Variants in ERC2 observed in about 807,000 individuals in gnomAD.
ERC2 encodes ELKS/RAB6-interacting/CAST family member 2.
Under a neutral mutation model 114.8 loss-of-function variants are expected in ERC2, and 42 were observed. The ratio of observed to expected loss-of-function variants is 0.37; its 90% CI spans 0.29 to 0.47. The LOEUF (loss-of-function observed/expected upper bound fraction) is 0.47, where lower values mean the gene tolerates loss of function less well. Among genes scored for constraint, ERC2 ranks in the 20% least tolerant of loss-of-function variants. The probability of loss-of-function intolerance (pLI) is 0.99; values close to 1 mark genes in which losing one functional copy is unlikely to be tolerated. For missense variants in ERC2, 939 were observed against 1,150.7 expected, an observed-to-expected ratio of 0.82 and a Z score of 2.66; for synonymous variants, 454 against 425.5, an observed-to-expected ratio of 1.07 and a Z score of -0.82.
intron 7 of ERC2, among the ~76,000 whole-genome samples, chr3:56,056,091 A>G (rs1193528927): frequency 1.3e-5 from 2 of 152,222 alleles, no homozygotes; most frequent in Admixed American, 1.3e-4. Context: ...TCTGGTATGT[A>G]ATAATGTTTA....
chr3:56,218,272 A>T (rs1223986511), intron 3 of ERC2, among the ~76,000 whole-genome samples: 72 of 149,978 alleles, frequency 4.8e-4, no homozygotes, highest in Non-Finnish European at 9.2e-4. Flanking sequence ...GAATCTACAA[A>T]GAACTCAAAC....
chr3:56,296,181 T>C lies in ERC2; in HGVS notation c.912A>G (p.Ser304=), dbSNP rs767348903. The C allele has an allele frequency of 6.2e-7, 1 of 1,614,038 alleles. No homozygotes were observed. Among genetic ancestry groups the C allele is most frequent in the South Asian group, 1.1e-5 (1 of 91,086 alleles). The change falls in exon 3 of 18, where the codon TCA becomes TCG. Residue 304 remains serine (S), a synonymous_variant. Coordinates refer to ENST00000288221, the MANE Select transcript of ERC2 (RefSeq NM_015576.3). ...GCAACATCTCAAGAAGTTTTTTAAT[T>C]GACTCATCTCGGGCATTGAGGGTTT... ...QKQTLNARDE[S]IKKLLEMLQS... is the part of the protein sequence containing the mutation.
chr3:56,286,790 G>A (rs933077577), intron 3 of ERC2, among the ~76,000 whole-genome samples: 1 of 151,658 alleles, frequency 6.6e-6, no homozygotes, highest in Non-Finnish European at 1.5e-5. Flanking sequence ...AAATGCTGCA[G>A]GCCACATTTG....
intron 8 of ERC2, among the ~76,000 whole-genome samples, chr3:56,011,507 G>A (rs2072934307): frequency 6.6e-6 from 1 of 152,084 alleles, no homozygotes; most frequent in African/African-American, 2.4e-5. Context: ...GCCATTCAAG[G>A]AGGTCTGCCT....
chr3:55,750,327 C>G (rs1179459563), intron 14 of ERC2, among the ~76,000 whole-genome samples: 3 of 152,122 alleles, frequency 2.0e-5, no homozygotes, highest in Non-Finnish European at 4.4e-5. Flanking sequence ...TTAGTCTGCT[C>G]AAAATAGCCT....
intron 15 of ERC2, among the ~76,000 whole-genome samples, chr3:55,702,849 A>T (rs709337): frequency 0.53 from 80,287 of 151,956 alleles, 22,352 homozygotes; most frequent in South Asian, 0.73. Context: ...CACCCAGGAA[A>T]ACTAATATAG....
intron 14 of ERC2, among the ~76,000 whole-genome samples, chr3:55,851,755 GA>G (rs201244991): frequency 5.1e-3 from 703 of 138,342 alleles, no homozygotes; most frequent in African/African-American, 0.014. Flanking sequence ...AACTGCATGA[GA>G]AAAAAAAAAA....
At chr3:55,583,433 TCCTTCCTTCCTC>T (rs2057386623) in intron 17 of ERC2, among the ~76,000 whole-genome samples, 4 of 118,054 alleles carry the variant, frequency 3.4e-5, no homozygotes, top group South Asian at 6.5e-4. Flanking sequence ...CTTCCTTCCT[TCCTTCCTTCCTC>T]CCTCCCTCCT....
chr3:55,935,333 C>A (rs750857808), intron 13 of ERC2, among the ~76,000 whole-genome samples: 1 of 152,148 alleles, frequency 6.6e-6, no homozygotes, highest in Non-Finnish European at 1.5e-5. Context: ...GGAAAACATT[C>A]ATTTGAAATG....
chr3:56,175,401 T>C (rs2082922677), intron 3 of ERC2, among the ~76,000 whole-genome samples: 1 of 152,194 alleles, frequency 6.6e-6, no homozygotes, highest in African/African-American at 2.4e-5. Flanking sequence ...CAAACATTTA[T>C]GAATACAGAA....
chr3:56,311,413 C>T (rs899004005), intron 2 of ERC2, among the ~76,000 whole-genome samples: 2 of 150,968 alleles, frequency 1.3e-5, no homozygotes, highest in African/African-American at 2.4e-5. Flanking sequence ...ATTCTCCTGC[C>T]TCAGCCTCCC....
Position 55,907,703 on chromosome 3 carries a change from A to G in ERC2, c.2404-19154T>C, listed in dbSNP as rs527459791. Among the ~76,000 whole-genome samples, 31 of 152,296 alleles carry G rather than the reference A, an allele frequency of 2.0e-4. 1 individual carries two copies. The highest frequency in any genetic ancestry group is 4.1e-4 in the South Asian group (2 of 4,830). On this transcript the variant is annotated intron_variant, in intron 13 of 17. Transcript: ENST00000288221. ...GGCTCAGATCCCTTCTCTGCCACTT[A>G]CCAGCTGTGTGACCTTGAGCAAGCC...
intron 14 of ERC2, among the ~76,000 whole-genome samples, chr3:55,777,742 T>A (rs1002180177): frequency 3.9e-5 from 6 of 152,200 alleles, no homozygotes; most frequent in African/African-American, 1.4e-4. Flanking sequence ...CAGGCAAACA[T>A]GCTGGAACAT....
At chr3:56,143,329 C>G (rs1239672041) in intron 5 of ERC2, among the ~76,000 whole-genome samples, 1 of 152,110 alleles carries the variant, frequency 6.6e-6, no homozygotes, top group South Asian at 2.1e-4. Context: ...AATAAATAAC[C>G]TGATATGGTT....
intron 13 of ERC2, among the ~76,000 whole-genome samples, chr3:55,901,220 C>T (rs1364504346): frequency 6.6e-6 from 1 of 152,104 alleles, no homozygotes; most frequent in Non-Finnish European, 1.5e-5. Context: ...TTCCAAAATG[C>T]CTTAGTTGAT....
chr3:55,508,483 C>T lies in ERC2; in HGVS notation c.*2833G>A, dbSNP rs2051891869. The T allele has an allele frequency of 6.6e-6, 1 of 152,458 alleles. No homozygotes were observed. The highest frequency in any genetic ancestry group is 6.6e-5 in the Admixed American group (1 of 15,262). The allele number at this position is 152,458 out of a possible 1,614,324, so 9.4% of individuals were successfully genotyped here. ...TGCCCACTGGTAGTTTCCAGGGTTC[C>T]TTAGTTTTATTTATTTATTTTTCAT... On this transcript the variant is annotated 3_prime_UTR_variant, in exon 18 of 18. Transcript: ENST00000288221.
At chr3:55,610,066 A>AC in intron 17 of ERC2, among the ~76,000 whole-genome samples, 1 of 77,798 alleles carries the variant, frequency 1.3e-5, no homozygotes, top group East Asian at 3.1e-4. Flanking sequence ...AACACAAACA[A>AC]AAAAAAAAAA....
chr3:55,842,009 C>T (rs1422731299), intron 14 of ERC2, among the ~76,000 whole-genome samples: 1 of 152,194 alleles, frequency 6.6e-6, no homozygotes, highest in African/African-American at 2.4e-5. Context: ...GGGACTCACA[C>T]TCAGCCTTTC....
At chr3:55,552,735 G>A (rs2055304421) in intron 17 of ERC2, among the ~76,000 whole-genome samples, 1 of 151,564 alleles carries the variant, frequency 6.6e-6, no homozygotes, top group African/African-American at 2.4e-5. Context: ...AATTTCTGCT[G>A]GTTTAAGAAC....
Sources: gnomAD v4.1 joint callset for allele counts (sites outside exome capture counted in the v4.1 genomes callset) on GRCh38, gnomAD v4.1.1 for gene constraint, MANE v1.5 for transcripts, NCBI Gene and HGNC (gene_info 2026-07-23, HGNC 2026-07-21) for gene names.